ANKRD42: variants seen among roughly 807,000 people sequenced by gnomAD.
The protein encoded by ANKRD42 is ankyrin repeat domain 42, also known as ankyrin repeat domain-containing protein 42.
Under a neutral mutation model 51.5 loss-of-function variants are expected in ANKRD42, and 43 were observed. The observed-to-expected ratio is 0.83, with a 90% confidence interval of 0.65 to 1.08. The LOEUF (loss-of-function observed/expected upper bound fraction) is 1.08. Ranked by LOEUF, ANKRD42 falls within the 50% of genes least tolerant of loss-of-function variation. ANKRD42 has a pLI of 0.00. For synonymous variants in ANKRD42, 203 were observed against 213.0 expected, an observed-to-expected ratio of 0.95 and a Z score of 0.41; for missense variants, 608 against 629.3, an observed-to-expected ratio of 0.97 and a Z score of 0.36.
chr11:83,216,393 G>A (rs546592505), intron 5 of ANKRD42, among the ~76,000 whole-genome samples: 5 of 151,048 alleles, frequency 3.3e-5, no homozygotes, highest in East Asian at 3.9e-4. Flanking sequence ...GCGCAATCTC[G>A]GCTCACTGCA....
chr11:83,206,702 C>T (rs1215581268), intron 3 of ANKRD42, among the ~76,000 whole-genome samples: 4 of 152,196 alleles, frequency 2.6e-5, no homozygotes, highest in Admixed American at 1.3e-4. Flanking sequence ...TAATCTTGGA[C>T]TTCCCAGCCT....
chr11:83,224,981 G>C lies in ANKRD42; in HGVS notation c.713G>C (p.Arg238Thr). 1 of 1,613,732 alleles carries C rather than the reference G, an allele frequency of 6.2e-7. No individual in the cohort carries two copies. The highest frequency in any genetic ancestry group is 2.2e-5 in the East Asian group (1 of 44,868). Residue 238 changes from arginine to threonine, a missense_variant, in exon 6 of 11, where the codon AGG becomes ACG. Transcript: ENST00000533342. Reference sequence around the variant, plus strand: ...GAAAATGTACTGGATTTGGCCCAGAGGTTCTTCAAGCAGAACATTTTACAG... The same window carrying C: ...GAAAATGTACTGGATTTGGCCCAGACGTTCTTCAAGCAGAACATTTTACAG... ...NGENVLDLAQRFFKQNILQFI... is the reference protein window; with the variant it reads ...NGENVLDLAQTFFKQNILQFI...
intron 8 of ANKRD42, among the ~76,000 whole-genome samples, chr11:83,239,185 T>C (rs1031627820): frequency 5.9e-5 from 9 of 152,208 alleles, no homozygotes; most frequent in African/African-American, 2.2e-4. Flanking sequence ...TGAGCATCTT[T>C]TAAATATACA....
chr11:83,234,723 T>C (rs1863176964), intron 7 of ANKRD42, among the ~76,000 whole-genome samples: 1 of 152,198 alleles, frequency 6.6e-6, no homozygotes. Flanking sequence ...AAGATCAATA[T>C]GTTGCCATTT....
At chr11:83,249,521 A>G (rs974566869), downstream of ANKRD42, among the ~76,000 whole-genome samples, 4 of 152,184 alleles carry the variant, frequency 2.6e-5, no homozygotes, top group African/African-American at 4.8e-5. Flanking sequence ...GAGCCATTCC[A>G]AACTGTCTAC....
chr11:83,194,412 A>G lies in ANKRD42; in HGVS notation c.-259A>G. On this transcript the variant is annotated 5_prime_UTR_variant, in exon 1 of 11. Coordinates refer to ENST00000533342, the MANE Select transcript of ANKRD42 (RefSeq NM_001300975.2). ...AAGTAAGTGGAGACCGCGGCTACGC[A>G]GCCAGCGACTCCTCTGGTGTGAGCG... 1 of 680,248 alleles carries G rather than the reference A, an allele frequency of 1.5e-6. No individual in the cohort carries two copies. Among genetic ancestry groups the G allele is most frequent in the South Asian group, 1.5e-5 (1 of 66,562 alleles). 42.1% of individuals were successfully genotyped at this position (680,248 alleles called of 1,614,324 possible). A position where few individuals can be genotyped will look rare whatever the true frequency, so the allele number is the denominator to read the frequency against.
chr11:83,242,567 G>GTGTTTTTTGTGTTTGTTTTTTTTTT (rs1863419054), intron 9 of ANKRD42, among the ~76,000 whole-genome samples: 1 of 115,546 alleles, frequency 8.7e-6, no homozygotes, highest in African/African-American at 3.5e-5. Flanking sequence ...TGGTAGTTAA[G>GTGTTTTTTGTGTTTGTTTTTTTTTT]TTTTTTTTTT....
intron 5 of ANKRD42, among the ~76,000 whole-genome samples, chr11:83,220,409 C>T (rs987294823): frequency 6.6e-6 from 1 of 152,124 alleles, no homozygotes; most frequent in Non-Finnish European, 1.5e-5. Context: ...GTATTCACCA[C>T]GTGACGATCT....
chr11:83,195,908 G>T, intron 1 of ANKRD42, among the ~76,000 whole-genome samples: 1 of 149,438 alleles, frequency 6.7e-6, no homozygotes, highest in Admixed American at 6.7e-5. Context: ...GCAGTGGCGC[G>T]GTCCTCAGCT....
downstream of ANKRD42, chr11:83,260,321 CAT>C (rs1263509155): frequency 6.6e-6 from 1 of 152,134 alleles, no homozygotes; most frequent in Non-Finnish European, 1.5e-5. Flanking sequence ...AGCAGGCAGT[CAT>C]ATTGGTTAAC....
intron 1 of ANKRD42, 77 bp from the exon 2 acceptor site, chr11:83,198,402 T>G (rs1239494939): frequency 1.4e-6 from 2 of 1,402,896 alleles, no homozygotes; most frequent in East Asian, 2.4e-5. Context: ...TTGTGCTTTC[T>G]GTTATATCAC....
intron 5 of ANKRD42, 89 bp from the exon 6 acceptor site, chr11:83,224,766 A>G: frequency 9.1e-7 from 1 of 1,096,464 alleles, no homozygotes. Flanking sequence ...CCTGGGTTAC[A>G]GAGCAAGATC....
At chr11:83,215,694 C>T (rs1256600860) in intron 5 of ANKRD42, among the ~76,000 whole-genome samples, 2 of 152,120 alleles carry the variant, frequency 1.3e-5, no homozygotes, top group Non-Finnish European at 2.9e-5. Context: ...CCTTAGGTCA[C>T]AAAGAAAGGA....
intron 5 of ANKRD42, chr11:83,214,234 T>A (rs1417922448): frequency 5.7e-6 from 1 of 176,590 alleles, no homozygotes; most frequent in Non-Finnish European, 1.1e-5. Flanking sequence ...TCTCTTCCTT[T>A]GTAGTTAGTC....
chr11:83,205,013 G>T (rs1862015598), intron 2 of ANKRD42, among the ~76,000 whole-genome samples: 1 of 152,186 alleles, frequency 6.6e-6, no homozygotes. Context: ...GCAATACAAA[G>T]TGTTTATAAG....
At chr11:83,258,885 T>C (rs1863821015), downstream of ANKRD42, among the ~76,000 whole-genome samples, 1 of 152,094 alleles carries the variant, frequency 6.6e-6, no homozygotes, top group African/African-American at 2.4e-5. Flanking sequence ...CCTGGCCTAT[T>C]TTGTCACCAA....
At position 83,206,150 on chromosome 11, in the gene ANKRD42, G is replaced by A. The variant is rs1366684396; in HGVS notation, c.315G>A (p.Gln105=). ...CTCACATAGCTGCAATCAGGGGTCA[G>A]GATGCTTGTGTACAGGTAATAATAT... ...TASHIAAIRG[Q]DACVQALIMN... is the part of the protein sequence containing the mutation. The change falls in exon 3 of 11, where the codon CAG becomes CAA. Residue 105 remains glutamine (Q), a synonymous_variant. Coordinates refer to ENST00000533342, the MANE Select transcript of ANKRD42 (RefSeq NM_001300975.2). 5.0e-6 allele frequency: 8 copies of A among 1,613,100 alleles called. No individual in the cohort carries two copies. The highest frequency in any genetic ancestry group is 5.9e-6 in the Non-Finnish European group (7 of 1,179,178).
intron 5 of ANKRD42, chr11:83,213,179 G>A (rs1862396170): frequency 1.2e-6 from 2 of 1,601,224 alleles, no homozygotes; most frequent in South Asian, 1.1e-5. Flanking sequence ...CCCAACATTG[G>A]TTGTGGGAGC....
chr11:83,204,792 G>A lies in ANKRD42; in HGVS notation c.223-1266G>A, dbSNP rs145226165. Among the ~76,000 whole-genome samples, 941 of 152,182 alleles carry A rather than the reference G, an allele frequency of 6.2e-3. 30 individuals carry two copies. The highest frequency in any genetic ancestry group is 1.1e-3 in the Non-Finnish European group (74 of 68,022). On this transcript the variant is annotated intron_variant, in intron 2 of 10. Transcript: ENST00000533342. ...TCACGTACCTAAGAACTTGTAACCAGATTATATAAGGAACTCTCAGAACTC... is the reference window on the plus strand; with the variant it reads ...TCACGTACCTAAGAACTTGTAACCAAATTATATAAGGAACTCTCAGAACTC...
Sources: gnomAD v4.1 joint callset for allele counts (sites outside exome capture counted in the v4.1 genomes callset) on GRCh38, gnomAD v4.1.1 for gene constraint, MANE v1.5 for transcripts, NCBI Gene and HGNC (gene_info 2026-07-23, HGNC 2026-07-21) for gene names.